PRKCZ: variants seen among roughly 807,000 people sequenced by gnomAD.
The protein encoded by PRKCZ is protein kinase C zeta type.
Under a neutral mutation model 79.5 loss-of-function variants are expected in PRKCZ, and 33 were observed. The observed-to-expected ratio is 0.41, with a 90% confidence interval of 0.31 to 0.55. The LOEUF (loss-of-function observed/expected upper bound fraction) is 0.55, where lower values mean the gene tolerates loss of function less well. Ranked by LOEUF, PRKCZ falls within the 20% of genes least tolerant of loss-of-function variation. The probability of loss-of-function intolerance (pLI) is 0.19; values close to 1 mark genes in which losing one functional copy is unlikely to be tolerated. For missense variants in PRKCZ, 578 were observed against 813.5 expected, an observed-to-expected ratio of 0.71 and a Z score of 3.52; for synonymous variants, 342 against 320.9, an observed-to-expected ratio of 1.07 and a Z score of -0.70.
upstream of PRKCZ, among the ~76,000 whole-genome samples, chr1:2,048,526 G>C (rs547836361): frequency 3.2e-4 from 49 of 151,562 alleles, no homozygotes; most frequent in Non-Finnish European, 1.0e-4. Flanking sequence ...ACGGAGGCCG[G>C]GGCAGCAAAG....
Position 2,177,906 on chromosome 1 carries a change from C to T in PRKCZ, c.1575+2593C>T, listed in dbSNP as rs905981074. ...TGCCAGCCCTGCCTCTGCCACCGAC[C>T]GCCGGCCCTGCCTCTGCCACCGACC... On this transcript the variant is annotated intron_variant, in intron 16 of 17. Coordinates refer to ENST00000378567, the MANE Select transcript of PRKCZ (RefSeq NM_002744.6). The surrounding 1 kb of genome is among the most constrained non-coding windows in gnomAD (Gnocchi z 6.4). 5.3e-5 allele frequency among the ~76,000 whole-genome samples: 8 copies of T among 150,436 alleles called. No individual in the cohort carries two copies. Among genetic ancestry groups the T allele is most frequent in the African/African-American group, 1.0e-4 (4 of 39,922 alleles).
chr1:2,048,753 C>T (rs1456331716), upstream of PRKCZ, among the ~76,000 whole-genome samples: 1 of 152,134 alleles, frequency 6.6e-6, no homozygotes, highest in Non-Finnish European at 1.5e-5. Context: ...GCTGGGGCTC[C>T]ACAGTTTTAA....
intron 4 of PRKCZ, among the ~76,000 whole-genome samples, chr1:2,079,662 G>A (rs904061365): frequency 1.5e-4 from 23 of 152,188 alleles, no homozygotes; most frequent in Admixed American, 1.4e-3. Context: ...TGCTGATGGC[G>A]GCACATGGTG....
chr1:2,130,389 G>T (rs1674723888), intron 4 of PRKCZ, among the ~76,000 whole-genome samples: 1 of 152,298 alleles, frequency 6.6e-6, no homozygotes, highest in Non-Finnish European at 1.5e-5. Context: ...AGGGCCAGGG[G>T]CTCCTGGCGT....
chr1:2,072,130 A>G (rs536339339), intron 4 of PRKCZ, among the ~76,000 whole-genome samples: 8 of 152,336 alleles, frequency 5.3e-5, no homozygotes, highest in Non-Finnish European at 8.8e-5. Flanking sequence ...TATATGTTTC[A>G]CATTTTACGG....
At chr1:2,093,887 C>T (rs1037577344) in intron 4 of PRKCZ, among the ~76,000 whole-genome samples, 5 of 152,178 alleles carry the variant, frequency 3.3e-5, no homozygotes, top group Non-Finnish European at 7.3e-5. Context: ...ACGTGGAGGT[C>T]CGCGGCCGTC....
chr1:2,175,694 C>T (rs1267534717), intron 16 of PRKCZ, among the ~76,000 whole-genome samples: 3 of 152,064 alleles, frequency 2.0e-5, no homozygotes, highest in African/African-American at 7.2e-5. Flanking sequence ...AGCCAAGGCT[C>T]CTGTCTCCCA....
At chr1:2,108,163 C>G (rs995074797) in intron 4 of PRKCZ, among the ~76,000 whole-genome samples, 1 of 152,276 alleles carries the variant, frequency 6.6e-6, no homozygotes, top group African/African-American at 2.4e-5. Context: ...ATGCCGCACT[C>G]GAGTACCCGT....
Position 2,109,485 on chromosome 1 carries a change from A to G in PRKCZ, c.335-25777A>G, listed in dbSNP as rs1008117720. Among the ~76,000 whole-genome samples the G allele has an allele frequency of 2.6e-5, 4 of 152,174 alleles. 1 individual carries two copies. In the East Asian group the frequency reaches 5.8e-4, roughly 22 times the overall value. On this transcript the variant is annotated intron_variant, in intron 4 of 17. Coordinates refer to ENST00000378567, the MANE Select transcript of PRKCZ (RefSeq NM_002744.6). ...GTCCTGAGATCAGGTGTGGTCGTGA[A>G]TATTAAACATGTGGATTGCAACCCT...
chr1:2,089,593 G>A (rs1200999690), intron 4 of PRKCZ, among the ~76,000 whole-genome samples: 1 of 152,130 alleles, frequency 6.6e-6, no homozygotes, highest in African/African-American at 2.4e-5. Context: ...AAACACTCTG[G>A]GGTCCCTTTG....
In PRKCZ at chr1:2,169,515, C is replaced by A. The variant is rs1448938761; in HGVS notation, c.975-3C>A. Reference sequence around the variant, plus strand: ...GCAGCCTCCGGCGCCTCTCTCCCTGCAGGTTGTTCCTGGTCATTGAGTACG... The same window carrying A: ...GCAGCCTCCGGCGCCTCTCTCCCTGAAGGTTGTTCCTGGTCATTGAGTACG... On this transcript the variant is annotated splice_polypyrimidine_tract_variant and splice_region_variant and intron_variant, in intron 10 of 17. Transcript: ENST00000378567. The A allele has an allele frequency of 6.5e-7, 1 of 1,549,132 alleles. No individual in the cohort carries two copies. The highest frequency in any genetic ancestry group is 8.7e-7 in the Non-Finnish European group (1 of 1,145,560).
At chr1:2,133,321 T>C (rs1244743233) in intron 4 of PRKCZ, among the ~76,000 whole-genome samples, 1 of 148,640 alleles carries the variant, frequency 6.7e-6, no homozygotes. Flanking sequence ...TGCACGTTCG[T>C]CCCTCGGCTC....
rs1023019833 is a variant in PRKCZ at position 2,177,488 on chromosome 1, T to G, written c.1575+2175T>G. Among the ~76,000 whole-genome samples the G allele has an allele frequency of 1.2e-4, 18 of 152,160 alleles. No individual in the cohort carries two copies. The highest frequency in any genetic ancestry group is 4.1e-4 in the African/African-American group (17 of 41,444). ...CCCTGATCTTGTCTCTCAACCACTC[T>G]TGGTTTACCGGGAGTGGACAGATGA... On this transcript the variant is annotated intron_variant, in intron 16 of 17. Transcript: ENST00000378567. This position sits in a 1 kb window ranked among gnomAD's most constrained non-coding sequence, Gnocchi z 6.4.
rs370255427 is a variant in PRKCZ at position 2,098,865 on chromosome 1, T to A, written c.335-36397T>A. On this transcript the variant is annotated intron_variant, in intron 4 of 17. Coordinates refer to ENST00000378567, the MANE Select transcript of PRKCZ (RefSeq NM_002744.6). ...GTTGGCTAATTTTTTGTATATTTAG[T>A]GGAGATGGGGTTTCACCATGTTAGC... 2.2e-3 allele frequency among the ~76,000 whole-genome samples: 330 copies of A among 152,236 alleles called. 6 individuals are homozygous for A. Among genetic ancestry groups the A allele is most frequent in the African/African-American group, 7.1e-3 (294 of 41,526 alleles).
intron 10 of PRKCZ, among the ~76,000 whole-genome samples, chr1:2,167,233 T>C (rs1238057157): frequency 2.6e-5 from 4 of 152,260 alleles, no homozygotes; most frequent in African/African-American, 7.2e-5. Context: ...TTCCCGTGAT[T>C]GGCTTTTCTC....
In PRKCZ at chr1:2,185,267, C is replaced by T. The variant is rs1458708082; in HGVS notation, c.*258C>T. 2.2e-5 allele frequency: 16 copies of T among 715,746 alleles called. No individual in the cohort carries two copies. Among genetic ancestry groups the T allele is most frequent in the East Asian group, 1.3e-4 (5 of 37,268 alleles). 44.3% of individuals were successfully genotyped at this position (715,746 alleles called of 1,614,324 possible). A position where few individuals can be genotyped will look rare whatever the true frequency, so the allele number is the denominator to read the frequency against. On this transcript the variant is annotated 3_prime_UTR_variant, in exon 18 of 18. Coordinates refer to ENST00000378567, the MANE Select transcript of PRKCZ (RefSeq NM_002744.6). ...CGCGGCGGATCCGCGGGGACCCTGC[C>T]GAGGGGGCTGTCATGCGGTTTCCAA...
At chr1:2,143,413 A>C (rs1349608837) in intron 5 of PRKCZ, 5 of 152,256 alleles carry the variant, frequency 3.3e-5, no homozygotes, top group African/African-American at 1.2e-4. Flanking sequence ...AGGGAAAAGC[A>C]TATGAAAGGG....
intron 4 of PRKCZ, among the ~76,000 whole-genome samples, chr1:2,087,318 A>G (rs1380856750): frequency 6.6e-6 from 1 of 152,080 alleles, no homozygotes. Flanking sequence ...CCTGACCTCA[A>G]GGGATCCACC....
intron 4 of PRKCZ, among the ~76,000 whole-genome samples, chr1:2,088,985 T>C (rs982120302): frequency 6.6e-6 from 1 of 152,256 alleles, no homozygotes; most frequent in Admixed American, 6.5e-5. Context: ...AATTTCATTC[T>C]GGTCTTCTAT....
Sources: allele counts gnomAD v4.1 joint callset (sites outside exome capture counted in the v4.1 genomes callset), GRCh38; gene constraint gnomAD v4.1.1; non-coding constraint Gnocchi (gnomAD v3.1); transcripts MANE v1.5; gene names NCBI Gene and HGNC (gene_info 2026-07-23, HGNC 2026-07-21).